The following UGT2A1 variants were observed in gnomAD, a reference collection of about 807,000 sequenced individuals.
UGT2A1 encodes the protein UDP glucuronosyltransferase family 2 member A1 complex locus.
Under a neutral mutation model 45.4 loss-of-function variants are expected in UGT2A1, and 61 were observed. That is an observed-to-expected ratio of 1.34 (90% CI 1.09 to 1.66). The LOEUF is 1.66. Among genes scored for constraint, UGT2A1 ranks in the 40% most tolerant of loss-of-function variants. UGT2A1 has a pLI of 0.00. For missense variants in UGT2A1, 649 were observed against 574.3 expected (o/e 1.13, Z -1.33); for synonymous variants, 229 against 196.2 (o/e 1.17, Z -1.40).
At chr4:69,629,099 C>T (rs181020650) in intron 3 of UGT2A1, among the ~76,000 whole-genome samples, 7 of 151,976 alleles carry the variant, frequency 4.6e-5, no homozygotes, top group Admixed American at 4.6e-4. Context: ...TCAAACATTG[C>T]TATTCCCTCT....
At chr4:69,611,188 C>T (rs891139768) in intron 3 of UGT2A1, among the ~76,000 whole-genome samples, 1 of 151,566 alleles carries the variant, frequency 6.6e-6, no homozygotes, top group African/African-American at 2.4e-5. Flanking sequence ...CTCTGTCACT[C>T]AAGCTGGAGT....
chr4:69,594,605 G>T lies in UGT2A1; in HGVS notation c.1176C>A (p.Pro392=). The T allele has an allele frequency of 6.2e-7, 1 of 1,614,106 alleles. No homozygotes were observed. The highest frequency in any genetic ancestry group is 8.5e-7 in the Non-Finnish European group (1 of 1,180,022). ...TGTTATCAGGCTGATCAGCAAACAT[G>T]GGAACTCCCACCATAGGGACTCCGT... is the stretch of plus-strand genomic sequence containing the variant. ...IYHGVPMVGV[P]MFADQPDNIA... Residue 392 remains proline (P), a synonymous_variant, in exon 6 of 7, where the codon CCC becomes CCA. Coordinates refer to ENST00000286604, the MANE Select transcript of UGT2A1 (RefSeq NM_001252275.3).
At chr4:69,635,333 G>A (rs922071844) in intron 3 of UGT2A1, among the ~76,000 whole-genome samples, 2 of 152,134 alleles carry the variant, frequency 1.3e-5, no homozygotes, top group African/African-American at 4.8e-5. Context: ...AGTGCGCTGG[G>A]ATGGATAGAG....
intron 3 of UGT2A1, among the ~76,000 whole-genome samples, chr4:69,612,418 C>A (rs1357509080): frequency 6.6e-6 from 1 of 151,730 alleles, no homozygotes; most frequent in Admixed American, 6.6e-5. Context: ...TTATATGGAA[C>A]CAAAATAAAG....
intron 2 of UGT2A1, among the ~76,000 whole-genome samples, chr4:69,636,972 T>C (rs1166354900): frequency 1.3e-5 from 2 of 152,152 alleles, no homozygotes; most frequent in Non-Finnish European, 2.9e-5. Context: ...ACTTTTTGTA[T>C]GTCTCTTATT....
chr4:69,622,545 A>G (rs1224642953), intron 3 of UGT2A1, among the ~76,000 whole-genome samples: 1 of 151,814 alleles, frequency 6.6e-6, no homozygotes, highest in Non-Finnish European at 1.5e-5. Flanking sequence ...TAATAGACTC[A>G]GGGAATCTAT....
In UGT2A1 at chr4:69,602,907, A is replaced by G. The variant is rs994813201; in HGVS notation, c.848-3513T>C. Among the ~76,000 whole-genome samples the G allele has an allele frequency of 2.2e-5, 3 of 134,612 alleles. 1 individual carries two copies. Among genetic ancestry groups the G allele is most frequent in the Non-Finnish European group, 4.7e-5 (3 of 63,772 alleles). The allele number at this position is 134,612 out of a possible 152,430, so 88.3% of individuals were successfully genotyped here. ...ATGGTGAAACCCCGTCTCTACTAAA[A>G]ATACAAAAAAATTAGCCGGGCGTGG... On this transcript the variant is annotated intron_variant, in intron 3 of 6. Coordinates refer to ENST00000286604, the MANE Select transcript of UGT2A1 (RefSeq NM_001252275.3).
At chr4:69,629,801 G>C (rs60666822) in intron 3 of UGT2A1, among the ~76,000 whole-genome samples, 46,085 of 151,772 alleles carry the variant, frequency 0.3, 7,466 homozygotes, top group African/African-American at 0.4. Flanking sequence ...TTGTTATAAT[G>C]AACCATAACC....
At chr4:69,643,818 T>C (rs952604618) in intron 2 of UGT2A1, among the ~76,000 whole-genome samples, 2 of 151,754 alleles carry the variant, frequency 1.3e-5, no homozygotes, top group Non-Finnish European at 3.0e-5. Context: ...AATGATTTCA[T>C]TAAAGAATTT....
At chr4:69,638,980 T>A (rs753883996) in intron 2 of UGT2A1, 5 of 1,612,834 alleles carry the variant, frequency 3.1e-6, no homozygotes, top group Non-Finnish European at 4.2e-6. Flanking sequence ...GATATGGTAT[T>A]TTTAATCCTT....
At chr4:69,633,581 G>A (rs1721506642) in intron 3 of UGT2A1, among the ~76,000 whole-genome samples, 1 of 152,216 alleles carries the variant, frequency 6.6e-6, no homozygotes, top group Non-Finnish European at 1.5e-5. Flanking sequence ...AATAAAATGT[G>A]ATACATTAAT....
rs186768006 is a variant in UGT2A1, at chr4:69,588,739, A to C, written c.*633T>G. On this transcript the variant is annotated 3_prime_UTR_variant, in exon 7 of 7. Transcript: ENST00000286604. ...CAGGTTATATAAGAATATATGTTGAAGAAAGGCAGGCAAGTTATGCCGTGA... is the reference window on the plus strand; with the variant it reads ...CAGGTTATATAAGAATATATGTTGACGAAAGGCAGGCAAGTTATGCCGTGA... The C allele has an allele frequency of 6.6e-6, 1 of 152,120 alleles. No homozygotes were observed. Among genetic ancestry groups the C allele is most frequent in the African/African-American group, 2.4e-5 (1 of 41,432 alleles). The allele number at this position is 152,120 out of a possible 1,614,324, so 9.4% of individuals were successfully genotyped here. A position where few individuals can be genotyped will look rare whatever the true frequency, so the allele number is the denominator to read the frequency against.
chr4:69,638,997 A>G (rs1481505113), intron 2 of UGT2A1: 1 of 1,613,100 alleles, frequency 6.2e-7, no homozygotes, highest in Non-Finnish European at 8.5e-7. Flanking sequence ...CCTTTCACCA[A>G]AGGTCATCTG....
intron 2 of UGT2A1, chr4:69,639,229 C>A: frequency 9.9e-6 from 16 of 1,613,674 alleles, no homozygotes; most frequent in Non-Finnish European, 1.4e-5. Context: ...TTCTTTAGTA[C>A]ACCATCACAG....
intron 3 of UGT2A1, among the ~76,000 whole-genome samples, chr4:69,613,850 G>A (rs535692106): frequency 9.9e-5 from 15 of 151,952 alleles, no homozygotes; most frequent in South Asian, 4.1e-4. Flanking sequence ...GCCATAAACC[G>A]CAAACCTACA....
In UGT2A1 at chr4:69,635,830, A is replaced by AAAAAAAAAAAAAAAAAAAAAAC. The variant is rs1721662131; in HGVS notation, c.716-9_716-8insGTTTTTTTTTTTTTTTTTTTTT. 1.1e-5 allele frequency: 1 copy of AAAAAAAAAAAAAAAAAAAAAAC among 92,022 alleles called. No individual in the cohort carries two copies. The highest frequency in any genetic ancestry group is 3.9e-5 in the African/African-American group (1 of 25,676). The allele number at this position is 92,022 out of a possible 1,614,324, so 5.7% of individuals were successfully genotyped here. On this transcript the variant is annotated splice_polypyrimidine_tract_variant and intron_variant, in intron 2 of 6. Transcript: ENST00000286604. ...AACAGAGTAAGAGTCCACCTCACCA[A>AAAAAAAAAAAAAAAAAAAAAAC]AAAAAAAAAAAAAAAAAAAAGAGAG...
At chr4:69,590,638 A>AGTGTGTGTGT (rs4148321) in intron 6 of UGT2A1, among the ~76,000 whole-genome samples, 1 of 150,206 alleles carries the variant, frequency 6.7e-6, no homozygotes, top group East Asian at 2.0e-4. Flanking sequence ...ACATGTGTTG[A>AGTGTGTGTGT]GTGTGTGTGT....
chr4:69,605,768 A>G lies in UGT2A1; in HGVS notation c.848-6374T>C, dbSNP rs1457832393. On this transcript the variant is annotated intron_variant, in intron 3 of 6. Transcript: ENST00000286604. Reference sequence around the variant, plus strand: ...CACCACCGATCCCACAGAAATACAAAGTACCATCAGAGAATACTATAAACA... The same window carrying G: ...CACCACCGATCCCACAGAAATACAAGGTACCATCAGAGAATACTATAAACA... Among the ~76,000 whole-genome samples the G allele has an allele frequency of 1.5e-5, 2 of 137,232 alleles. 1 individual carries two copies. Among genetic ancestry groups the G allele is most frequent in the Non-Finnish European group, 3.1e-5 (2 of 64,396 alleles). 90.0% of individuals were successfully genotyped at this position (137,232 alleles called of 152,430 possible). A position where few individuals can be genotyped will look rare whatever the true frequency, so the allele number is the denominator to read the frequency against.
intron 6 of UGT2A1, among the ~76,000 whole-genome samples, chr4:69,591,965 A>T (rs866687695): frequency 6.6e-6 from 1 of 152,318 alleles, no homozygotes; most frequent in South Asian, 2.1e-4. Context: ...GACTTATACA[A>T]CATGTACGTA....
Sources: gnomAD v4.1 joint callset for allele counts (sites outside exome capture counted in the v4.1 genomes callset) on GRCh38, gnomAD v4.1.1 for gene constraint, MANE v1.5 for transcripts, NCBI Gene and HGNC (gene_info 2026-07-23, HGNC 2026-07-21) for gene names.